The following CACNG3 variants were observed in gnomAD, a reference collection of about 807,000 sequenced individuals.
CACNG3 encodes calcium voltage-gated channel auxiliary subunit gamma 3, also known as voltage-dependent calcium channel gamma-3 subunit.
A neutral mutation model predicts 28.5 loss-of-function variants in CACNG3; 3 were observed. The ratio of observed to expected loss-of-function variants is 0.11; its 90% confidence interval spans 0.05 to 0.27. The LOEUF (loss-of-function observed/expected upper bound fraction) is 0.27, where lower values mean the gene tolerates loss of function less well. CACNG3 is among the 10% of genes least tolerant of loss of function. The probability of loss-of-function intolerance (pLI) is 1.00; values close to 1 mark genes in which losing one functional copy is unlikely to be tolerated. For synonymous variants in CACNG3, 174 were observed against 162.2 expected, an observed-to-expected ratio of 1.07 and a Z score of -0.55; for missense variants, 236 against 414.4, an observed-to-expected ratio of 0.57 and a Z score of 3.74.
intron 2 of CACNG3, among the ~76,000 whole-genome samples, chr16:24,348,099 T>C (rs1471789076): frequency 6.6e-6 from 1 of 152,140 alleles, no homozygotes; most frequent in African/African-American, 2.4e-5. Context: ...TTGTGTTGGA[T>C]TCACTCAAAA....
chr16:24,307,808 G>A (rs1020308822), intron 1 of CACNG3, among the ~76,000 whole-genome samples: 2 of 152,158 alleles, frequency 1.3e-5, no homozygotes, highest in Admixed American at 6.5e-5. Context: ...GAAACATGGG[G>A]CCAGGGAAGA....
chr16:24,259,077 G>A (rs1898506089), intron 1 of CACNG3, among the ~76,000 whole-genome samples: 1 of 152,232 alleles, frequency 6.6e-6, no homozygotes, highest in Admixed American at 6.5e-5. Flanking sequence ...GAATCAAGAA[G>A]GAATTGGATG....
chr16:24,352,804 T>G (rs1479004964), intron 2 of CACNG3, among the ~76,000 whole-genome samples: 2 of 152,190 alleles, frequency 1.3e-5, no homozygotes, highest in Non-Finnish European at 2.9e-5. Context: ...CCTCCCAAAC[T>G]GCTGGGATTA....
intron 1 of CACNG3, among the ~76,000 whole-genome samples, chr16:24,307,344 ACTC>A (rs1413477191): frequency 6.6e-6 from 1 of 150,566 alleles, no homozygotes; most frequent in Non-Finnish European, 1.5e-5. Context: ...TTGGTCTTGA[ACTC>A]CTGACCTCAA....
chr16:24,345,799 T>A (rs1045367774), intron 1 of CACNG3, among the ~76,000 whole-genome samples: 2 of 152,164 alleles, frequency 1.3e-5, no homozygotes, highest in African/African-American at 4.8e-5. Context: ...GCGAGGGAGA[T>A]GAGCTGTGAT....
At chr16:24,326,541 G>A (rs989616310) in intron 1 of CACNG3, among the ~76,000 whole-genome samples, 3 of 152,170 alleles carry the variant, frequency 2.0e-5, no homozygotes, top group African/African-American at 7.2e-5. Context: ...TTGGTCACTT[G>A]CCCTCCCCTG....
chr16:24,274,205 A>AC (rs1567208139), intron 1 of CACNG3, among the ~76,000 whole-genome samples: 1 of 150,616 alleles, frequency 6.6e-6, no homozygotes, highest in Non-Finnish European at 1.5e-5. Context: ...AAAAAACAAA[A>AC]AAAAAAAACT....
intron 1 of CACNG3, among the ~76,000 whole-genome samples, chr16:24,284,108 T>A (rs935576433): frequency 7.2e-5 from 11 of 152,208 alleles, no homozygotes; most frequent in Non-Finnish European, 1.3e-4. Context: ...TAATAATTCC[T>A]TTTGGGGCAA....
intron 1 of CACNG3, among the ~76,000 whole-genome samples, chr16:24,331,273 C>A (rs1899628103): frequency 6.6e-6 from 1 of 152,200 alleles, no homozygotes; most frequent in African/African-American, 2.4e-5. Context: ...CAAACACATT[C>A]AATGGGCCGA....
At chr16:24,319,423 G>T (rs961227211) in intron 1 of CACNG3, among the ~76,000 whole-genome samples, 3 of 152,102 alleles carry the variant, frequency 2.0e-5, no homozygotes, top group African/African-American at 7.2e-5. Context: ...AGTATTTTTT[G>T]TGTGTGTAAG....
chr16:24,361,790 A>G lies in CACNG3; in HGVS notation c.875A>G (p.His292Arg). The G allele has an allele frequency of 3.1e-6, 5 of 1,613,976 alleles. No homozygotes were observed. The highest frequency in any genetic ancestry group is 3.4e-6 in the Non-Finnish European group (4 of 1,179,988). ...CGGGACCACGCTTTTCTACAGTTCC[A>G]CAATTCCACACCCAAAGAGTTCAAA... The part of the protein sequence containing the change: ...SDRDHAFLQF[H>R]NSTPKEFKES... Residue 292 changes from histidine (H) to arginine (R), a missense_variant, in exon 4 of 4, where the codon CAC becomes CGC. This residue lies in a region of CACNG3 where 116 missense variants were observed against 151.0 expected (regional missense o/e 0.77). Transcript: ENST00000005284. This position sits in a 1 kb window ranked among gnomAD's most constrained non-coding sequence, Gnocchi z 6.8.
At chr16:24,326,638 C>T (rs1234092694) in intron 1 of CACNG3, among the ~76,000 whole-genome samples, 2 of 152,154 alleles carry the variant, frequency 1.3e-5, no homozygotes, top group Admixed American at 1.3e-4. Flanking sequence ...CCACTGTAGC[C>T]AGGAGAATTT....
chr16:24,342,081 A>C (rs1300477794), intron 1 of CACNG3, among the ~76,000 whole-genome samples: 1 of 152,120 alleles, frequency 6.6e-6, no homozygotes, highest in African/African-American at 2.4e-5. Flanking sequence ...CAGCCTGGCC[A>C]ACATGGTGAA....
chr16:24,272,543 G>A (rs936148611), intron 1 of CACNG3, among the ~76,000 whole-genome samples: 1 of 151,866 alleles, frequency 6.6e-6, no homozygotes, highest in Non-Finnish European at 1.5e-5. Context: ...TTTTTGTCAT[G>A]TAAGTTGAAT....
intron 1 of CACNG3, among the ~76,000 whole-genome samples, chr16:24,259,222 A>C (rs930524663): frequency 6.6e-6 from 1 of 152,240 alleles, no homozygotes; most frequent in Non-Finnish European, 1.5e-5. Flanking sequence ...ACAAATCACA[A>C]TGAATCACAA....
At position 24,349,478 on chromosome 16, in the gene CACNG3, A is replaced by G. The variant is rs551319615; in HGVS notation, c.295+2661A>G. ...ATAGTTACTTCTTGATTAATGGTAAACAGGAGGCGAATTATTCATAAGTTT... is the reference window on the plus strand; with the variant it reads ...ATAGTTACTTCTTGATTAATGGTAAGCAGGAGGCGAATTATTCATAAGTTT... On this transcript the variant is annotated intron_variant, in intron 2 of 3. Transcript: ENST00000005284. 1.8e-3 allele frequency among the ~76,000 whole-genome samples: 276 copies of G among 152,302 alleles called. 2 individuals carry two copies. The highest frequency in any genetic ancestry group is 2.9e-3 in the Non-Finnish European group (196 of 68,028).
intron 1 of CACNG3, among the ~76,000 whole-genome samples, chr16:24,264,669 C>G (rs1351145391): frequency 1.3e-5 from 2 of 152,202 alleles, no homozygotes; most frequent in Admixed American, 6.5e-5. Context: ...CAGGAACATA[C>G]ATACAGAAGG....
At chr16:24,343,528 G>A (rs1899817843) in intron 1 of CACNG3, among the ~76,000 whole-genome samples, 1 of 152,154 alleles carries the variant, frequency 6.6e-6, no homozygotes, top group Admixed American at 6.5e-5. Context: ...ACATGCCATG[G>A]GGAAGCATAG....
At chr16:24,328,276 G>A (rs1899584609) in intron 1 of CACNG3, among the ~76,000 whole-genome samples, 1 of 151,780 alleles carries the variant, frequency 6.6e-6, no homozygotes, top group South Asian at 2.1e-4. Context: ...GATGGAGAGG[G>A]AGAAATAATT....
Sources: allele counts gnomAD v4.1 joint callset (sites outside exome capture counted in the v4.1 genomes callset), GRCh38; gene constraint gnomAD v4.1.1; regional missense constraint gnomAD v4.1.1; non-coding constraint Gnocchi (gnomAD v3.1); transcripts MANE v1.5; gene names NCBI Gene and HGNC (gene_info 2026-07-23, HGNC 2026-07-21).